Variants in ARHGAP20 observed in about 807,000 individuals in gnomAD.
ARHGAP20 encodes Rho GTPase activating protein 20.
ARHGAP20 carries 34 observed loss-of-function variants against 73.7 expected under a neutral mutation model. That is an observed-to-expected ratio of 0.46 (90% CI 0.35 to 0.61). The LOEUF is 0.61. Among genes scored for constraint, ARHGAP20 ranks in the 20% least tolerant of loss-of-function variants. ARHGAP20 has a pLI of 0.00. For missense variants in ARHGAP20, 1,314 were observed against 1,420.9 expected (o/e 0.92, Z 1.21); for synonymous variants, 523 against 518.2 (o/e 1.01, Z -0.13).
Position 110,607,051 on chromosome 11 carries a change from A to G in ARHGAP20, c.776-302T>C, listed in dbSNP as rs986473602. ...TAATGCTGACTTTTCCAACACGTGC[A>G]TCTAAGGATAACTAAAGGTATTCTA... On this transcript the variant is annotated intron_variant, in intron 8 of 14. Coordinates refer to ENST00000683387, the MANE Select transcript of ARHGAP20 (RefSeq NM_001384657.1). 3.0e-4 allele frequency among the ~76,000 whole-genome samples: 45 copies of G among 152,306 alleles called. 1 individual carries two copies. The highest frequency in any genetic ancestry group is 1.0e-3 in the African/African-American group (42 of 41,580).
At chr11:110,653,832 T>C (rs1044310014) in intron 2 of ARHGAP20, among the ~76,000 whole-genome samples, 8 of 152,178 alleles carry the variant, frequency 5.3e-5, no homozygotes, top group Non-Finnish European at 7.3e-5. Context: ...CTATCCATGA[T>C]AGACTGGGTA....
intron 2 of ARHGAP20, among the ~76,000 whole-genome samples, chr11:110,648,235 A>G (rs1298967493): frequency 1.2e-5 from 1 of 82,158 alleles, no homozygotes; most frequent in African/African-American, 5.5e-5. Context: ...ATATATATAT[A>G]TGTAAATATA....
chr11:110,679,948 C>G (rs1950007300), intron 2 of ARHGAP20, among the ~76,000 whole-genome samples: 1 of 152,148 alleles, frequency 6.6e-6, no homozygotes, highest in South Asian at 2.1e-4. Context: ...TGGATGTGTA[C>G]ACTTTCTCAG....
At chr11:110,619,388 G>A (rs183492879) in intron 4 of ARHGAP20, among the ~76,000 whole-genome samples, 1 of 150,138 alleles carries the variant, frequency 6.7e-6, no homozygotes, top group African/African-American at 2.5e-5. Context: ...TATATGCAGT[G>A]ATAGAGTATA....
At chr11:110,687,877 G>A (rs1411558227) in intron 2 of ARHGAP20, among the ~76,000 whole-genome samples, 1 of 152,130 alleles carries the variant, frequency 6.6e-6, no homozygotes, top group African/African-American at 2.4e-5. Flanking sequence ...TTTAAGAGAA[G>A]TCAGATAAGA....
intron 9 of ARHGAP20, among the ~76,000 whole-genome samples, chr11:110,601,598 T>C (rs1461213670): frequency 1.3e-5 from 2 of 152,204 alleles, no homozygotes; most frequent in East Asian, 3.8e-4. Context: ...TCCCTTTGGA[T>C]AACTTGTGAG....
chr11:110,671,225 C>G (rs1415175706), intron 2 of ARHGAP20, among the ~76,000 whole-genome samples: 3 of 149,650 alleles, frequency 2.0e-5, no homozygotes, highest in African/African-American at 7.4e-5. Flanking sequence ...AAGACTAAAA[C>G]AAAGAAAAAA....
intron 9 of ARHGAP20, among the ~76,000 whole-genome samples, chr11:110,594,868 G>GATAA (rs1947915749): frequency 3.3e-5 from 5 of 152,066 alleles, no homozygotes; most frequent in African/African-American, 1.2e-4. Context: ...CAACATCCTT[G>GATAA]ATAAACATTG....
chr11:110,680,903 T>A (rs1465994451), intron 2 of ARHGAP20, among the ~76,000 whole-genome samples: 1 of 152,174 alleles, frequency 6.6e-6, no homozygotes, highest in African/African-American at 2.4e-5. Flanking sequence ...TGGTAAAAAA[T>A]TTGCCAACTT....
At chr11:110,699,335 A>G (rs2135137226) in intron 1 of ARHGAP20, among the ~76,000 whole-genome samples, 1 of 152,070 alleles carries the variant, frequency 6.6e-6, no homozygotes, top group Non-Finnish European at 1.5e-5. Flanking sequence ...CATATGGTCG[A>G]TAATGGAGAA....
chr11:110,649,333 C>T (rs967189353), intron 2 of ARHGAP20, among the ~76,000 whole-genome samples: 11 of 150,744 alleles, frequency 7.3e-5, no homozygotes, highest in Non-Finnish European at 1.3e-4. Flanking sequence ...AGCCACCACA[C>T]CCAACCAACA....
In ARHGAP20 at chr11:110,577,290, A is replaced by G; in HGVS notation, c.*2080T>C. 7.3e-7 allele frequency: 1 copy of G among 1,373,074 alleles called. No homozygotes were observed. The highest frequency in any genetic ancestry group is 1.8e-5 in the South Asian group (1 of 55,616). 85.1% of individuals were successfully genotyped at this position (1,373,074 alleles called of 1,614,324 possible). On this transcript the variant is annotated 3_prime_UTR_variant, in exon 15 of 15. Transcript: ENST00000683387. ...GATTGATGGAGTATAATAAAATGAC[A>G]TATAGTCTGTCTTCAAATCATACAA...
chr11:110,633,118 T>C (rs142724047), intron 2 of ARHGAP20, among the ~76,000 whole-genome samples: 2 of 152,312 alleles, frequency 1.3e-5, no homozygotes, highest in Admixed American at 6.5e-5. Context: ...AGTTTTTACA[T>C]TTAAGTCTAT....
chr11:110,649,385 C>CA (rs1949300342), intron 2 of ARHGAP20, among the ~76,000 whole-genome samples: 2 of 151,194 alleles, frequency 1.3e-5, no homozygotes, highest in Non-Finnish European at 3.0e-5. Context: ...AGAAACAAAA[C>CA]AAAAAACAGA....
At chr11:110,673,400 T>A (rs1223749188) in intron 2 of ARHGAP20, among the ~76,000 whole-genome samples, 9 of 152,136 alleles carry the variant, frequency 5.9e-5, no homozygotes, top group Non-Finnish European at 1.0e-4. Context: ...CTTAGCTACA[T>A]TGTCAAGTCA....
intron 4 of ARHGAP20, among the ~76,000 whole-genome samples, chr11:110,620,194 G>A (rs189656699): frequency 1.7e-4 from 26 of 149,382 alleles, no homozygotes; most frequent in Non-Finnish European, 3.3e-4. Flanking sequence ...ACCATGCTCA[G>A]CTAATTTAAA....
chr11:110,693,005 T>A (rs1231442720), intron 1 of ARHGAP20, among the ~76,000 whole-genome samples: 5 of 151,820 alleles, frequency 3.3e-5, no homozygotes, highest in Non-Finnish European at 7.4e-5. Context: ...TGTAAGAAAA[T>A]CCTCCCAAGA....
At chr11:110,653,757 A>G (rs1416111246) in intron 2 of ARHGAP20, among the ~76,000 whole-genome samples, 2 of 152,242 alleles carry the variant, frequency 1.3e-5, no homozygotes, top group African/African-American at 4.8e-5. Context: ...ATTCTATTAT[A>G]AAGATACATG....
rs1947345581 is a variant in ARHGAP20 at position 110,578,512 on chromosome 11, T to G, written c.*858A>C. On this transcript the variant is annotated 3_prime_UTR_variant, in exon 15 of 15. Transcript: ENST00000683387. The stretch of plus-strand genomic sequence containing the variant: ...GAGAAAGGACAGTTGTTGTGGTCTT[T>G]TCCTCCATATTGAGAGTGAACGCTG... 1 of 985,340 alleles carries G rather than the reference T, an allele frequency of 1.0e-6. No individual in the cohort carries two copies. The allele number at this position is 985,340 out of a possible 1,614,324, so 61.0% of individuals were successfully genotyped here. A position where few individuals can be genotyped will look rare whatever the true frequency, so the allele number is the denominator to read the frequency against.
Sources: gnomAD v4.1 joint callset for allele counts (sites outside exome capture counted in the v4.1 genomes callset) on GRCh38, gnomAD v4.1.1 for gene constraint, MANE v1.5 for transcripts, NCBI Gene and HGNC (gene_info 2026-07-23, HGNC 2026-07-21) for gene names.